Variants in DYNLRB1 observed in about 807,000 individuals in gnomAD.
The protein encoded by DYNLRB1 is dynein light chain roadblock-type 1, also known as ROBL/LC7-like 1.
Under a neutral mutation model 13.5 loss-of-function variants are expected in DYNLRB1, and 6 were observed. The ratio of observed to expected loss-of-function variants is 0.44; its 90% confidence interval spans 0.24 to 0.88. The LOEUF (loss-of-function observed/expected upper bound fraction) is 0.88. Among genes scored for constraint, DYNLRB1 ranks in the 40% least tolerant of loss-of-function variants. The probability of loss-of-function intolerance (pLI) is 0.21; values close to 1 mark genes in which losing one functional copy is unlikely to be tolerated. For missense variants in DYNLRB1, 93 were observed against 127.2 expected (o/e 0.73, Z 1.29); for synonymous variants, 43 against 45.0 (o/e 0.96, Z 0.18).
intron 1 of DYNLRB1, among the ~76,000 whole-genome samples, chr20:34,525,671 C>T (rs1045177666): frequency 5.9e-5 from 9 of 152,048 alleles, no homozygotes; most frequent in Admixed American, 3.3e-4. Context: ...AATGAGGACC[C>T]GAACTGCGAC....
At position 34,529,816 on chromosome 20, in the gene DYNLRB1, A is replaced by G. The variant is rs746498182; in HGVS notation, c.79+3473A>G. The G allele has an allele frequency of 1.1e-5, 16 of 1,454,548 alleles. No homozygotes were observed. In the African/African-American group the frequency reaches 2.3e-4, roughly 21 times the overall value. The allele number at this position is 1,454,548 out of a possible 1,614,324, so 90.1% of individuals were successfully genotyped here. ...CAGAACGTGCTCCCCAGCCCTGTCTAGTTCTGATTAAACCATGTGGTCATT... is the reference window on the plus strand; with the variant it reads ...CAGAACGTGCTCCCCAGCCCTGTCTGGTTCTGATTAAACCATGTGGTCATT... On this transcript the variant is annotated intron_variant, in intron 2 of 3. Coordinates refer to ENST00000357156, the MANE Select transcript of DYNLRB1 (RefSeq NM_014183.4).
At chr20:34,516,518 T>A in intron 1 of DYNLRB1, 57 bp downstream of exon 1, 1 of 1,606,194 alleles carries the variant, frequency 6.2e-7, no homozygotes, top group Non-Finnish European at 8.5e-7. Flanking sequence ...ACGCCAGGCC[T>A]TCAGTCTTCC....
chr20:34,518,824 A>G (rs908942134), intron 1 of DYNLRB1, among the ~76,000 whole-genome samples: 2 of 152,136 alleles, frequency 1.3e-5, no homozygotes, highest in Non-Finnish European at 2.9e-5. Context: ...GTAGCTTTCT[A>G]GAACCTGTAT....
intron 1 of DYNLRB1, chr20:34,516,722 G>A: frequency 6.5e-7 from 1 of 1,539,938 alleles, no homozygotes; most frequent in East Asian, 2.5e-5. Flanking sequence ...GAGATGATGG[G>A]CGAGGGGTGG....
chr20:34,526,139 G>A (rs759722670), intron 1 of DYNLRB1, 129 bp from the exon 2 acceptor site: 96 of 958,188 alleles, frequency 1.0e-4, no homozygotes, highest in Admixed American at 2.6e-4. Flanking sequence ...GGAACTTTGA[G>A]GGTGTGCCAG....
chr20:34,535,124 C>G, intron 3 of DYNLRB1: 1 of 985,264 alleles, frequency 1.0e-6, no homozygotes, highest in East Asian at 1.1e-4. Flanking sequence ...CTGGGGCTGT[C>G]TGCAAAAGCT....
intron 1 of DYNLRB1, among the ~76,000 whole-genome samples, chr20:34,519,622 C>T (rs1979550688): frequency 6.6e-6 from 1 of 152,082 alleles, no homozygotes; most frequent in Non-Finnish European, 1.5e-5. Flanking sequence ...TATGCAGGTC[C>T]ACTTCATTCT....
chr20:34,524,926 C>T (rs986066368), intron 1 of DYNLRB1, among the ~76,000 whole-genome samples: 8 of 152,224 alleles, frequency 5.3e-5, no homozygotes, highest in African/African-American at 1.4e-4. Flanking sequence ...GGAGTTTCAC[C>T]GTGTTAGCCA....
chr20:34,540,580 G>A lies in DYNLRB1; in HGVS notation c.248-1G>A. 1 of 1,613,126 alleles carries A rather than the reference G, an allele frequency of 6.2e-7. No individual in the cohort carries two copies. The highest frequency in any genetic ancestry group is 8.5e-7 in the Non-Finnish European group (1 of 1,179,596). ...TTTTTTTTCATTTTTCTCTTTTGCA[G>A]ATAAAGACTATTTCCTGATTGTGAT... On this transcript the variant is annotated splice_acceptor_variant, in intron 3 of 3. Coordinates refer to ENST00000357156, the MANE Select transcript of DYNLRB1 (RefSeq NM_014183.4). LOFTEE classifies it high-confidence loss of function.
At position 34,535,701 on chromosome 20, in the gene DYNLRB1, C is replaced by T. The variant is rs529287155; in HGVS notation, c.247+906C>T. The T allele has an allele frequency of 1.4e-5, 14 of 985,268 alleles. No individual in the cohort carries two copies. In the South Asian group the frequency reaches 3.8e-4, roughly 26 times the overall value. The allele number at this position is 985,268 out of a possible 1,614,324, so 61.0% of individuals were successfully genotyped here. On this transcript the variant is annotated intron_variant, in intron 3 of 3. Coordinates refer to ENST00000357156, the MANE Select transcript of DYNLRB1 (RefSeq NM_014183.4). ...TGATGGTGCACTCCCGCTGCAGTGC[C>T]GCTTATCTAGGGCATCAGGATGTGA...
At chr20:34,516,279 G>GT, upstream of DYNLRB1, 1 of 1,020,800 alleles carries the variant, frequency 9.8e-7, no homozygotes, top group East Asian at 2.6e-5. Flanking sequence ...CTTTGCCACA[G>GT]TGGAAAGCAG....
At chr20:34,516,766 T>TGCAA (rs1426909578) in intron 1 of DYNLRB1, 1 of 1,550,046 alleles carries the variant, frequency 6.5e-7, no homozygotes, top group East Asian at 2.4e-5. Context: ...TTTGGGGCCT[T>TGCAA]GGTGCGCGAT....
At chr20:34,530,667 A>C (rs1980642890) in intron 2 of DYNLRB1, 1 of 152,276 alleles carries the variant, frequency 6.6e-6, no homozygotes, top group South Asian at 2.1e-4. Flanking sequence ...GTCAGAACAC[A>C]GAATCTGAGT....
In DYNLRB1 at chr20:34,534,645, A is replaced by G. The variant is rs756701845; in HGVS notation, c.97A>G (p.Thr33Ala). Reference protein sequence around the residue: ...VNTEGIPIKSTMDNPTTTQYA... With the variant: ...VNTEGIPIKSAMDNPTTTQYA... ...CCCCTCAGGCATTCCCATCAAGAGC[A>G]CCATGGACAACCCCACCACCACCCA... Residue 33 changes from threonine to alanine, a missense_variant, in exon 3 of 4, where the codon ACC becomes GCC. Transcript: ENST00000357156. 6.4e-7 allele frequency: 1 copy of G among 1,572,740 alleles called. No individual in the cohort carries two copies. Among genetic ancestry groups the G allele is most frequent in the Non-Finnish European group, 8.6e-7 (1 of 1,158,936 alleles).
intron 3 of DYNLRB1, among the ~76,000 whole-genome samples, chr20:34,538,878 C>T (rs1981376019): frequency 6.6e-6 from 1 of 152,178 alleles, no homozygotes; most frequent in South Asian, 2.1e-4. Context: ...GGGGTCAAAC[C>T]CAGGTCCCTG....
rs1981543818 is a variant in DYNLRB1 at position 34,540,956 on chromosome 20, T to C, written c.*332T>C. ...CTTTAACTAAAAATAACCAAAATGC[T>C]TACCCGTCTGTTGTGTCTTTAAACA... is the stretch of plus-strand genomic sequence containing the variant. On this transcript the variant is annotated 3_prime_UTR_variant, in exon 4 of 4. Transcript: ENST00000357156. 3.4e-6 allele frequency: 1 copy of C among 295,638 alleles called. No individual in the cohort carries two copies. The highest frequency in any genetic ancestry group is 5.1e-5 in the Admixed American group (1 of 19,524). 18.3% of individuals were successfully genotyped at this position (295,638 alleles called of 1,614,324 possible).
intron 2 of DYNLRB1, 138 bp downstream of exon 2, chr20:34,526,481 T>TTTTA: frequency 1.3e-5 from 7 of 546,534 alleles, no homozygotes; most frequent in Non-Finnish European, 2.1e-5. Flanking sequence ...ACACCTCCAG[T>TTTTA]GTTCTTTTTT....
At position 34,527,087 on chromosome 20, in the gene DYNLRB1, C is replaced by T. The variant is rs6119503; in HGVS notation, c.79+744C>T. On this transcript the variant is annotated intron_variant, in intron 2 of 3. Coordinates refer to ENST00000357156, the MANE Select transcript of DYNLRB1 (RefSeq NM_014183.4). ...TGCCAAGATTCTGGCTGGTGCAGCC[C>T]TGTCGTCTGCATTTTGCAATGGAGA... 9.9e-3 allele frequency among the ~76,000 whole-genome samples: 1,503 copies of T among 152,320 alleles called. 27 individuals are homozygous for T. Among genetic ancestry groups the T allele is most frequent in the African/African-American group, 0.035 (1,444 of 41,560 alleles).
chr20:34,525,365 T>A (rs570276702), intron 1 of DYNLRB1, among the ~76,000 whole-genome samples: 1 of 152,330 alleles, frequency 6.6e-6, no homozygotes, highest in South Asian at 2.1e-4. Context: ...TTATCACACT[T>A]CTACTCCACA....
Sources: gnomAD v4.1 joint callset for allele counts (sites outside exome capture counted in the v4.1 genomes callset) on GRCh38, gnomAD v4.1.1 for gene constraint, MANE v1.5 for transcripts, NCBI Gene and HGNC (gene_info 2026-07-23, HGNC 2026-07-21) for gene names.